ADAM15: variants seen among roughly 807,000 people sequenced by gnomAD.
ADAM15 encodes ADAM metallopeptidase domain 15, also known as disintegrin and metalloproteinase domain-containing protein 15.
A neutral mutation model predicts 113.8 loss-of-function variants in ADAM15; 77 were observed. The ratio of observed to expected loss-of-function variants is 0.68; its 90% CI spans 0.56 to 0.82. ADAM15 has a LOEUF of 0.82. ADAM15 is among the 40% of genes least tolerant of loss of function. The pLI is 0.00. For missense variants in ADAM15, 963 were observed against 1,120.1 expected, an observed-to-expected ratio of 0.86 and a Z score of 2.00; for synonymous variants, 388 against 454.1, an observed-to-expected ratio of 0.85 and a Z score of 1.85.
rs1661509106 is a variant in ADAM15, at chr1:155,054,525, G to C, written c.612+19G>C. 1 of 1,545,986 alleles carries C rather than the reference G, an allele frequency of 6.5e-7. No individual in the cohort carries two copies. The highest frequency in any genetic ancestry group is 1.2e-5 in the South Asian group (1 of 82,180). On this transcript the variant is annotated intron_variant, in intron 6 of 22. Coordinates refer to ENST00000356955, the MANE Select transcript of ADAM15 (RefSeq NM_207197.3). ...TCGCCGGGTGAGGATGAATGGCAGG[G>C]GGGTGGGCTTTGGTTGTCTTGAGGG...
At chr1:155,052,201 T>G (rs1571587029) in intron 1 of ADAM15, 5 of 306,084 alleles carry the variant, frequency 1.6e-5, no homozygotes, top group Non-Finnish European at 1.9e-5. Flanking sequence ...GGCATGAGGG[T>G]GTTTAGGGAG....
Position 155,056,274 on chromosome 1 carries a change from G to A in ADAM15, c.914+25G>A. The A allele has an allele frequency of 1.2e-6, 2 of 1,613,552 alleles. No homozygotes were observed. Among genetic ancestry groups the A allele is most frequent in the Non-Finnish European group, 1.7e-6 (2 of 1,179,912 alleles). ...CGTAAGGGCCCCAGACTCAGCCAGAGAGGCCAGTCCTGTCCTGGCCAAATT... is the reference window on the plus strand; with the variant it reads ...CGTAAGGGCCCCAGACTCAGCCAGAAAGGCCAGTCCTGTCCTGGCCAAATT... On this transcript the variant is annotated intron_variant, in intron 9 of 22. Coordinates refer to ENST00000356955, the MANE Select transcript of ADAM15 (RefSeq NM_207197.3). The surrounding 1 kb of genome is among the most constrained non-coding windows in gnomAD (Gnocchi z 4.0).
At chr1:155,061,315 C>G in intron 19 of ADAM15, 100 bp from the exon 20 acceptor site, 1 of 799,264 alleles carries the variant, frequency 1.3e-6, no homozygotes, top group East Asian at 2.6e-5. Flanking sequence ...CTGCCCTGGG[C>G]CCCTGCTGGC....
chr1:155,059,794 A>T, intron 16 of ADAM15, 108 bp from the exon 17 acceptor site: 4 of 1,238,524 alleles, frequency 3.2e-6, no homozygotes, highest in Non-Finnish European at 4.7e-6. Context: ...CTCTACACAC[A>T]TACCCAGCAC....
intron 1 of ADAM15, chr1:155,052,310 C>A (rs374485307): frequency 1.8e-5 from 11 of 605,030 alleles, no homozygotes; most frequent in African/African-American, 1.5e-4. Context: ...CAAGGCTTAG[C>A]TCAGTCTCGA....
Position 155,056,488 on chromosome 1 carries a change from C to A in ADAM15, c.999+18C>A. Reference sequence around the variant, plus strand: ...TGAACATGGTGAGTTATTTCCAGGTCTCCTCCTCATTCCCAATTCAGTTCC... The same window carrying A: ...TGAACATGGTGAGTTATTTCCAGGTATCCTCCTCATTCCCAATTCAGTTCC... On this transcript the variant is annotated intron_variant, in intron 10 of 22. Transcript: ENST00000356955. This position sits in a 1 kb window ranked among gnomAD's most constrained non-coding sequence, Gnocchi z 4.0. 2 of 1,608,148 alleles carry A rather than the reference C, an allele frequency of 1.2e-6. No homozygotes were observed. Among genetic ancestry groups the A allele is most frequent in the South Asian group, 2.2e-5 (2 of 90,876 alleles).
intron 2 of ADAM15, 137 bp from the exon 3 acceptor site, chr1:155,053,280 T>TC: frequency 1.3e-6 from 1 of 782,662 alleles, no homozygotes; most frequent in Non-Finnish European, 2.2e-6. Context: ...AGGCAGGGTT[T>TC]CCTGGCCCCT....
intron 3 of ADAM15, 119 bp from the exon 4 acceptor site, chr1:155,053,790 GA>G: frequency 8.3e-7 from 1 of 1,198,490 alleles, no homozygotes; most frequent in Admixed American, 2.0e-5. Context: ...GTCAGGAGTG[GA>G]AAAGTTGGCT....
rs1326754632 is a variant in ADAM15, at chr1:155,062,590, G to A, written c.*88G>A. 3.9e-6 allele frequency: 6 copies of A among 1,532,874 alleles called. No individual in the cohort carries two copies. Among genetic ancestry groups the A allele is most frequent in the Non-Finnish European group, 5.3e-6 (6 of 1,127,550 alleles). 95.0% of individuals were successfully genotyped at this position (1,532,874 alleles called of 1,614,324 possible). On this transcript the variant is annotated 3_prime_UTR_variant, in exon 23 of 23. Transcript: ENST00000356955. The surrounding 1 kb of genome is among the most constrained non-coding windows in gnomAD (Gnocchi z 7.0). ...CTGGAGTCCCCTACCATGACTGAAG[G>A]CGCCAGAGACTGGCGGTGTCTTAAG...
At position 155,062,275 on chromosome 1, in the gene ADAM15, A is replaced by G. The variant is rs1226901375; in HGVS notation, c.2455A>G (p.Arg819Gly). 1.4e-6 allele frequency: 2 copies of G among 1,466,564 alleles called. No homozygotes were observed. Among genetic ancestry groups the G allele is most frequent in the African/African-American group, 1.4e-5 (1 of 70,330 alleles). The allele number at this position is 1,466,564 out of a possible 1,614,324, so 90.8% of individuals were successfully genotyped here. ...SQGPAKPPPP[R>G]KPLPADPQGR... ...GGGGCCAGCCAAGCCCCCACCCCCA[A>G]GGAAGCCACTGCCTGCCGACCCCCA... Residue 819 changes from arginine (R) to glycine (G), a missense_variant, in exon 22 of 23, where the codon AGG becomes GGG. Coordinates refer to ENST00000356955, the MANE Select transcript of ADAM15 (RefSeq NM_207197.3). The surrounding 1 kb of genome is among the most constrained non-coding windows in gnomAD (Gnocchi z 7.0).
At chr1:155,059,757 TG>T in intron 16 of ADAM15, 144 bp from the exon 17 acceptor site, 1 of 797,798 alleles carries the variant, frequency 1.3e-6, no homozygotes, top group Non-Finnish European at 2.1e-6. Context: ...TGCTCTGGTA[TG>T]GATAAAGACC....
chr1:155,052,925 C>T, intron 2 of ADAM15, 148 bp downstream of exon 2: 1 of 1,042,956 alleles, frequency 9.6e-7, no homozygotes, highest in Non-Finnish European at 1.4e-6. Flanking sequence ...TCTCCCACCA[C>T]ACCCCAGCAC....
Position 155,057,502 on chromosome 1 carries a change from G to A in ADAM15, c.1324-135G>A. On this transcript the variant is annotated intron_variant, in intron 12 of 22. Coordinates refer to ENST00000356955, the MANE Select transcript of ADAM15 (RefSeq NM_207197.3). This position sits in a 1 kb window ranked among gnomAD's most constrained non-coding sequence, Gnocchi z 5.0. ...CCTACTTGCCCTGTCTGTGGGGACA[G>A]CACATGGGTTGTTGGGCTCTAGCCC... 2.0e-6 allele frequency: 3 copies of A among 1,481,392 alleles called. No individual in the cohort carries two copies. Among genetic ancestry groups the A allele is most frequent in the Non-Finnish European group, 1.9e-6 (2 of 1,078,676 alleles). 91.8% of individuals were successfully genotyped at this position (1,481,392 alleles called of 1,614,324 possible).
chr1:155,062,746 T>C lies in ADAM15; in HGVS notation c.*244T>C, dbSNP rs115065045. 1.0e-3 allele frequency: 532 copies of C among 511,546 alleles called. 3 individuals are homozygous for C. Among genetic ancestry groups the C allele is most frequent in the African/African-American group, 8.6e-3 (444 of 51,590 alleles). 31.7% of individuals were successfully genotyped at this position (511,546 alleles called of 1,614,324 possible). ...GTCCGCACAGCCTGTCTCTGCTCAG[T>C]TGCAATAAACGTGACATCTTGGGAG... On this transcript the variant is annotated 3_prime_UTR_variant, in exon 23 of 23. Transcript: ENST00000356955. The surrounding 1 kb of genome is among the most constrained non-coding windows in gnomAD (Gnocchi z 7.0).
chr1:155,055,374 C>A lies in ADAM15; in HGVS notation c.613-416C>A, dbSNP rs948727150. 3 of 192,296 alleles carry A rather than the reference C, an allele frequency of 1.6e-5. No individual in the cohort carries two copies. In the South Asian group the frequency reaches 2.7e-4, roughly 17 times the overall value. The allele number at this position is 192,296 out of a possible 1,614,324, so 11.9% of individuals were successfully genotyped here. The stretch of plus-strand genomic sequence containing the variant: ...CCGAGTAGCTGGGACTACAGGCGCC[C>A]GCCACTACACCCGGCTAATGTTTTG... On this transcript the variant is annotated intron_variant, in intron 6 of 22. Transcript: ENST00000356955.
chr1:155,062,507 T>A lies in ADAM15; in HGVS notation c.*5T>A. On this transcript the variant is annotated 3_prime_UTR_variant, in exon 23 of 23. Coordinates refer to ENST00000356955, the MANE Select transcript of ADAM15 (RefSeq NM_207197.3). This position sits in a 1 kb window ranked among gnomAD's most constrained non-coding sequence, Gnocchi z 7.0. ...GTGTCCTCGCTCTACCTCTGACCTCTCCGGAGGTTCCGCTGCCTCCAAGCC... is the reference window on the plus strand; with the variant it reads ...GTGTCCTCGCTCTACCTCTGACCTCACCGGAGGTTCCGCTGCCTCCAAGCC... 6.2e-7 allele frequency: 1 copy of A among 1,612,638 alleles called. No individual in the cohort carries two copies. Among genetic ancestry groups the A allele is most frequent in the Non-Finnish European group, 8.5e-7 (1 of 1,179,718 alleles).
In ADAM15 at chr1:155,052,795, T is replaced by G; in HGVS notation, c.186+18T>G. 6.3e-7 allele frequency: 1 copy of G among 1,596,852 alleles called. No homozygotes were observed. The highest frequency in any genetic ancestry group is 8.5e-7 in the Non-Finnish European group (1 of 1,171,698). On this transcript the variant is annotated intron_variant, in intron 2 of 22. Coordinates refer to ENST00000356955, the MANE Select transcript of ADAM15 (RefSeq NM_207197.3). The stretch of plus-strand genomic sequence containing the variant: ...TGCTTCAGGTGAGCTCTCACTCCCC[T>G]CTAATAAATAAACGAATCCACACAC...
chr1:155,062,182 C>T lies in ADAM15; in HGVS notation c.2425-63C>T. 6.9e-7 allele frequency: 1 copy of T among 1,445,704 alleles called. No individual in the cohort carries two copies. Among genetic ancestry groups the T allele is most frequent in the South Asian group, 1.5e-5 (1 of 68,400 alleles). The allele number at this position is 1,445,704 out of a possible 1,614,324, so 89.6% of individuals were successfully genotyped here. ...AAGCTGGTGTTCCCCAGCACCAGTGCGTTGGGGGTGGGCAACATGACACCC... is the reference window on the plus strand; with the variant it reads ...AAGCTGGTGTTCCCCAGCACCAGTGTGTTGGGGGTGGGCAACATGACACCC... On this transcript the variant is annotated intron_variant, in intron 21 of 22. Coordinates refer to ENST00000356955, the MANE Select transcript of ADAM15 (RefSeq NM_207197.3). This position sits in a 1 kb window ranked among gnomAD's most constrained non-coding sequence, Gnocchi z 7.0.
At position 155,053,355 on chromosome 1, in the gene ADAM15, G is replaced by C. The variant is rs1037878227; in HGVS notation, c.187-62G>C. 1.8e-5 allele frequency: 27 copies of C among 1,511,086 alleles called. No individual in the cohort carries two copies. In the Admixed American group the frequency reaches 4.0e-4, roughly 22 times the overall value. 93.6% of individuals were successfully genotyped at this position (1,511,086 alleles called of 1,614,324 possible). ...TCTTCTGTGGGCCTGAGGTTTTCTG[G>C]TTAGAGAGGCTGGGAGTTGTGGACA... is the stretch of plus-strand genomic sequence containing the variant. On this transcript the variant is annotated intron_variant, in intron 2 of 22. Transcript: ENST00000356955.
Sources: allele counts gnomAD v4.1 joint callset, GRCh38; gene constraint gnomAD v4.1.1; non-coding constraint Gnocchi (gnomAD v3.1); transcripts MANE v1.5; gene names NCBI Gene and HGNC (gene_info 2026-07-23, HGNC 2026-07-21).